Variants in KAT6A observed in about 807,000 individuals in gnomAD.
KAT6A encodes the protein lysine acetyltransferase 6A.
A neutral mutation model predicts 198.4 loss-of-function variants in KAT6A; 9 were observed. The observed-to-expected ratio is 0.05, with a 90% CI of 0.03 to 0.08. KAT6A has a LOEUF of 0.08. Ranked by LOEUF, KAT6A falls within the 10% of genes least tolerant of loss-of-function variation. The probability of loss-of-function intolerance (pLI) is 1.00; values close to 1 mark genes in which losing one functional copy is unlikely to be tolerated. For missense variants in KAT6A, 2,077 were observed against 2,509.9 expected, an observed-to-expected ratio of 0.83 and a Z score of 3.69; for synonymous variants, 890 against 883.0, an observed-to-expected ratio of 1.01 and a Z score of -0.14.
intron 1 of KAT6A, 130 bp downstream of exon 1, chr8:42,051,771 A>AGGCGGCGCAGGCCGCGGCGGGGCCTGC (rs1802674448): frequency 6.9e-6 from 1 of 144,110 alleles, no homozygotes; most frequent in African/African-American, 2.5e-5. Context: ...GAGCAGCGGG[A>AGGCGGCGCAGGCCGCGGCGGGGCCTGC]GGCGGCGCAG....
At chr8:41,939,875 CTGGTTCAGTAACTGTGA>C (rs1693725393) in intron 15 of KAT6A, among the ~76,000 whole-genome samples, 2 of 152,192 alleles carry the variant, frequency 1.3e-5, no homozygotes, top group African/African-American at 4.8e-5. Context: ...TGTATCTACA[CTGGTTCAGTAACTGTGA>C]TAGATGTACC....
At chr8:41,998,831 G>A (rs1825351567) in intron 2 of KAT6A, among the ~76,000 whole-genome samples, 1 of 151,544 alleles carries the variant, frequency 6.6e-6, no homozygotes, top group Non-Finnish European at 1.5e-5. Context: ...GTACACACCT[G>A]CAAAAGATTT....
chr8:41,973,746 T>C (rs1823916692), intron 8 of KAT6A, among the ~76,000 whole-genome samples: 1 of 152,036 alleles, frequency 6.6e-6, no homozygotes. Context: ...TATCTTCAAG[T>C]CTATTCCACC....
At chr8:42,040,794 A>T (rs953995274) in intron 2 of KAT6A, among the ~76,000 whole-genome samples, 1 of 150,276 alleles carries the variant, frequency 6.7e-6, no homozygotes, top group Non-Finnish European at 1.5e-5. Flanking sequence ...TTGGTTTGGT[A>T]TAGAACTTTG....
At chr8:42,051,613 G>GGGGCGCGGGGCCCGC (rs1303254639) in intron 1 of KAT6A, among the ~76,000 whole-genome samples, 2 of 145,282 alleles carry the variant, frequency 1.4e-5, no homozygotes, top group Non-Finnish European at 3.1e-5. Flanking sequence ...GGCGGGATCG[G>GGGGCGCGGGGCCCGC]GGGCGCGGGG....
chr8:42,002,489 G>A (rs930764617), intron 2 of KAT6A, among the ~76,000 whole-genome samples: 1 of 152,002 alleles, frequency 6.6e-6, no homozygotes, highest in Non-Finnish European at 1.5e-5. Context: ...TGAACCTGGG[G>A]GGTGGAGGTT....
chr8:41,943,778 T>C lies in KAT6A; in HGVS notation c.2198A>G (p.His733Arg). The stretch of plus-strand genomic sequence containing the variant: ...ACTACGGAAGTCCAGCATTCGTAGG[T>C]GGTGGAGTGTGGAAGTGATGTCTTG... Reference protein sequence around the residue: ...CPQDITSTLHHLRMLDFRSDQ... With the variant: ...CPQDITSTLHRLRMLDFRSDQ... The change falls in exon 13 of 17, where the codon CAC becomes CGC. Residue 733 changes from histidine to arginine, a missense_variant. His to Arg is a conservative substitution (Grantham distance 29, BLOSUM62 0). Transcript: ENST00000265713. The C allele has an allele frequency of 6.2e-7, 1 of 1,613,674 alleles. No homozygotes were observed. The highest frequency in any genetic ancestry group is 8.5e-7 in the Non-Finnish European group (1 of 1,179,732).
At chr8:42,037,746 T>C in intron 2 of KAT6A, among the ~76,000 whole-genome samples, 1 of 152,114 alleles carries the variant, frequency 6.6e-6, no homozygotes, top group Non-Finnish European at 1.5e-5. Context: ...ATCTTCTTCT[T>C]AACAAGTTAC....
At chr8:42,009,030 G>A (rs1336265000) in intron 2 of KAT6A, among the ~76,000 whole-genome samples, 1 of 152,078 alleles carries the variant, frequency 6.6e-6, no homozygotes, top group Admixed American at 6.5e-5. Context: ...CCTGTACAAG[G>A]CTGGCTTTCA....
At chr8:41,972,553 T>A (rs764488743) in intron 8 of KAT6A, among the ~76,000 whole-genome samples, 3 of 152,172 alleles carry the variant, frequency 2.0e-5, no homozygotes, top group Non-Finnish European at 4.4e-5. Flanking sequence ...CCTGTGGAAT[T>A]TTCTAATCAT....
chr8:41,931,178 A>G lies in KAT6A; in HGVS notation c.*1027T>C, dbSNP rs1166386486. On this transcript the variant is annotated 3_prime_UTR_variant, in exon 17 of 17. Transcript: ENST00000265713. ...GAACCTAAGAGGCAAATCACTGGGGACTGCTATTTGAGTTTTATCAGTCAA... is the reference window on the plus strand; with the variant it reads ...GAACCTAAGAGGCAAATCACTGGGGGCTGCTATTTGAGTTTTATCAGTCAA... The G allele has an allele frequency of 4.5e-6, 1 of 222,194 alleles. No individual in the cohort carries two copies. The highest frequency in any genetic ancestry group is 9.0e-6 in the Non-Finnish European group (1 of 110,896). The allele number at this position is 222,194 out of a possible 1,614,324, so 13.8% of individuals were successfully genotyped here.
intron 2 of KAT6A, among the ~76,000 whole-genome samples, chr8:42,019,505 AGT>A (rs914550623): frequency 1.5e-4 from 23 of 152,312 alleles, no homozygotes; most frequent in African/African-American, 4.3e-4. Context: ...TATCAAATAT[AGT>A]GTGTTTTTTA....
intron 2 of KAT6A, among the ~76,000 whole-genome samples, chr8:42,029,309 T>C (rs929788897): frequency 1.3e-5 from 2 of 152,326 alleles, no homozygotes; most frequent in Non-Finnish European, 2.9e-5. Context: ...TAAATCTGTA[T>C]GTCTGTATCT....
intron 8 of KAT6A, among the ~76,000 whole-genome samples, chr8:41,963,161 T>A (rs1055806760): frequency 1.4e-4 from 21 of 152,302 alleles, no homozygotes; most frequent in Admixed American, 1.2e-3. Flanking sequence ...CACTGCTAAA[T>A]CTCTAGTGCT....
intron 2 of KAT6A, among the ~76,000 whole-genome samples, chr8:42,039,137 C>T (rs1440934962): frequency 1.3e-5 from 2 of 152,150 alleles, no homozygotes; most frequent in Non-Finnish European, 2.9e-5. Flanking sequence ...AATCCTGCTC[C>T]AGCTGGGACA....
chr8:42,011,029 C>T (rs1825995051), intron 2 of KAT6A, among the ~76,000 whole-genome samples: 1 of 152,118 alleles, frequency 6.6e-6, no homozygotes, highest in African/African-American at 2.4e-5. Flanking sequence ...AATCTAATTC[C>T]CAGATCAGTT....
intron 2 of KAT6A, among the ~76,000 whole-genome samples, chr8:42,041,635 G>C (rs1018558120): frequency 6.6e-6 from 1 of 152,056 alleles, no homozygotes; most frequent in Non-Finnish European, 1.5e-5. Context: ...ACAGCAGGAG[G>C]GGAGAGGCAG....
intron 8 of KAT6A, among the ~76,000 whole-genome samples, chr8:41,972,843 G>T (rs1404729352): frequency 6.6e-6 from 1 of 152,130 alleles, no homozygotes; most frequent in East Asian, 1.9e-4. Flanking sequence ...AACTTACTCG[G>T]GAGGAGAAAA....
chr8:41,996,703 T>C (rs959975402), intron 2 of KAT6A, among the ~76,000 whole-genome samples: 3 of 152,218 alleles, frequency 2.0e-5, no homozygotes, highest in East Asian at 1.9e-4. Flanking sequence ...TGCCATGTTA[T>C]AGCACTGCAA....
Sources: allele counts gnomAD v4.1 joint callset (sites outside exome capture counted in the v4.1 genomes callset), GRCh38; gene constraint gnomAD v4.1.1; transcripts MANE v1.5; gene names NCBI Gene and HGNC (gene_info 2026-07-23, HGNC 2026-07-21).